GPC6: variants seen among roughly 807,000 people sequenced by gnomAD.
GPC6 encodes the protein glypican-6.
Under a neutral mutation model 55.2 loss-of-function variants are expected in GPC6, and 14 were observed. The observed-to-expected ratio is 0.25, with a 90% CI of 0.17 to 0.40. The LOEUF (loss-of-function observed/expected upper bound fraction) is 0.40, where lower values mean the gene tolerates loss of function less well. GPC6 is among the 10% of genes least tolerant of loss of function. The probability of loss-of-function intolerance (pLI) is 1.00; values close to 1 mark genes in which losing one functional copy is unlikely to be tolerated. For missense variants in GPC6, 641 were observed against 708.5 expected (o/e 0.90, Z 1.08); for synonymous variants, 278 against 259.6 (o/e 1.07, Z -0.68).
chr13:93,398,505 G>A (rs1875947264), intron 1 of GPC6, among the ~76,000 whole-genome samples: 1 of 152,188 alleles, frequency 6.6e-6, no homozygotes, highest in Non-Finnish European at 1.5e-5. Flanking sequence ...GAGGACATGA[G>A]TAGTCTGCTT....
In GPC6 at chr13:93,425,301, C is replaced by T. The variant is rs148788992; in HGVS notation, c.161-119962C>T. Among the ~76,000 whole-genome samples, 114 of 152,206 alleles carry T rather than the reference C, an allele frequency of 7.5e-4. 3 individuals are homozygous for T. Among genetic ancestry groups the T allele is most frequent in the African/African-American group, 3.9e-4 (16 of 41,550 alleles). On this transcript the variant is annotated intron_variant, in intron 1 of 8. Coordinates refer to ENST00000377047, the MANE Select transcript of GPC6 (RefSeq NM_005708.5). ...ATACACCGATTCCCACTTCCATGTA[C>T]TTGGTTGAATGATCAGTTCCAAAAG...
chr13:93,681,766 A>G (rs1294624498), intron 2 of GPC6, among the ~76,000 whole-genome samples: 2 of 152,214 alleles, frequency 1.3e-5, no homozygotes, highest in African/African-American at 4.8e-5. Context: ...TTTCAGAGAA[A>G]TGTCTAAATT....
intron 2 of GPC6, among the ~76,000 whole-genome samples, chr13:93,749,787 CCTTA>C (rs1448118980): frequency 6.6e-6 from 1 of 151,960 alleles, no homozygotes; most frequent in African/African-American, 2.4e-5. Context: ...AATTTTTCAG[CCTTA>C]CTTGTGACGA....
At chr13:93,827,541 C>T (rs532307773) in intron 2 of GPC6, among the ~76,000 whole-genome samples, 5 of 152,216 alleles carry the variant, frequency 3.3e-5, no homozygotes, top group African/African-American at 4.8e-5. Context: ...GATACATTAG[C>T]GTCTTTCAAT....
chr13:93,362,221 G>C (rs1160029234), intron 1 of GPC6, among the ~76,000 whole-genome samples: 1 of 152,260 alleles, frequency 6.6e-6, no homozygotes, highest in African/African-American at 2.4e-5. Context: ...TCAAACATCA[G>C]ATTGTCTCTG....
Position 93,721,036 on chromosome 13 carries a change from C to T in GPC6, c.320-109118C>T, listed in dbSNP as rs553569732. Among the ~76,000 whole-genome samples the T allele has an allele frequency of 1.2e-4, 18 of 152,100 alleles. No homozygotes were observed. The South Asian group carries it at 3.3e-3, about 28-fold the overall frequency. On this transcript the variant is annotated intron_variant, in intron 2 of 8. Coordinates refer to ENST00000377047, the MANE Select transcript of GPC6 (RefSeq NM_005708.5). ...TGTGATGCTAAGAAAAATGTATATTCTGTTGATTTAGGATGGAGAGTTCTG... is the reference window on the plus strand; with the variant it reads ...TGTGATGCTAAGAAAAATGTATATTTTGTTGATTTAGGATGGAGAGTTCTG...
At chr13:93,709,026 C>T (rs765324120) in intron 2 of GPC6, among the ~76,000 whole-genome samples, 30 of 151,698 alleles carry the variant, frequency 2.0e-4, no homozygotes, top group Non-Finnish European at 4.0e-4. Flanking sequence ...GATATCATGC[C>T]CATTATTTCT....
intron 2 of GPC6, among the ~76,000 whole-genome samples, chr13:93,695,625 A>AT (rs1882424895): frequency 2.0e-5 from 3 of 152,054 alleles, no homozygotes; most frequent in Admixed American, 6.6e-5. Flanking sequence ...TATTTCTTAG[A>AT]TTTTTTAAAA....
intron 1 of GPC6, among the ~76,000 whole-genome samples, chr13:93,355,067 A>C (rs896560329): frequency 6.6e-6 from 1 of 152,182 alleles, no homozygotes; most frequent in African/African-American, 2.4e-5. Context: ...CCTCAAGTTG[A>C]TTACAGGCAG....
At chr13:93,608,014 G>A (rs1878316012) in intron 2 of GPC6, among the ~76,000 whole-genome samples, 1 of 133,684 alleles carries the variant, frequency 7.5e-6, no homozygotes, top group Non-Finnish European at 1.6e-5. Flanking sequence ...TCTCTTTGGA[G>A]CCACTCCTGT....
intron 5 of GPC6, among the ~76,000 whole-genome samples, chr13:94,288,223 T>TC (rs1892583744): frequency 6.6e-6 from 1 of 151,972 alleles, no homozygotes. Flanking sequence ...AAGCTTCTCC[T>TC]CCCCCAGGGC....
intron 7 of GPC6, 58 bp downstream of exon 7, chr13:94,382,608 C>G: frequency 1.2e-6 from 2 of 1,606,004 alleles, no homozygotes; most frequent in South Asian, 1.1e-5. Context: ...CCTTGGAAGA[C>G]TCTCCTGGCA....
intron 4 of GPC6, among the ~76,000 whole-genome samples, chr13:94,127,610 A>G (rs1176757136): frequency 6.6e-6 from 1 of 152,164 alleles, no homozygotes; most frequent in East Asian, 1.9e-4. Flanking sequence ...TACAGTGGTA[A>G]AAATCCCAAA....
In GPC6 at chr13:94,404,411, C is replaced by T. The variant is rs1175499506; in HGVS notation, c.*1194C>T. The T allele has an allele frequency of 6.6e-6, 1 of 152,070 alleles. No individual in the cohort carries two copies. The highest frequency in any genetic ancestry group is 2.4e-5 in the African/African-American group (1 of 41,398). 9.4% of individuals were successfully genotyped at this position (152,070 alleles called of 1,614,324 possible). On this transcript the variant is annotated 3_prime_UTR_variant, in exon 9 of 9. Transcript: ENST00000377047. Reference sequence around the variant, plus strand: ...TGTATATATAAATCACAGATTTTAACTTCTTAATTCCAAGCTCAGGGTTGA... The same window carrying T: ...TGTATATATAAATCACAGATTTTAATTTCTTAATTCCAAGCTCAGGGTTGA...
At chr13:93,279,521 A>G (rs1370861512) in intron 1 of GPC6, among the ~76,000 whole-genome samples, 2 of 152,182 alleles carry the variant, frequency 1.3e-5, no homozygotes, top group Admixed American at 6.5e-5. Flanking sequence ...TGATTGCAGA[A>G]CTATCTTTTT....
intron 4 of GPC6, among the ~76,000 whole-genome samples, chr13:94,105,551 A>C (rs1886022884): frequency 6.6e-6 from 1 of 152,200 alleles, no homozygotes; most frequent in African/African-American, 2.4e-5. Context: ...TGTTATCAGC[A>C]TAGAGGTATA....
At chr13:93,400,330 G>A (rs1876020703) in intron 1 of GPC6, among the ~76,000 whole-genome samples, 1 of 102,644 alleles carries the variant, frequency 9.7e-6, no homozygotes, top group Non-Finnish European at 2.3e-5. Context: ...TTGGTGTTAG[G>A]CACTGGTCAA....
At chr13:93,665,770 C>T (rs779254274) in intron 2 of GPC6, among the ~76,000 whole-genome samples, 5 of 152,082 alleles carry the variant, frequency 3.3e-5, no homozygotes, top group Non-Finnish European at 7.4e-5. Flanking sequence ...TGTGTGGATG[C>T]AGTGATTTAA....
chr13:93,638,663 G>A (rs905176355), intron 2 of GPC6, among the ~76,000 whole-genome samples: 2 of 151,670 alleles, frequency 1.3e-5, no homozygotes, highest in Non-Finnish European at 2.9e-5. Context: ...TTTATAATTG[G>A]AAAAAAAGAG....
Sources: gnomAD v4.1 joint callset for allele counts (sites outside exome capture counted in the v4.1 genomes callset) on GRCh38, gnomAD v4.1.1 for gene constraint, MANE v1.5 for transcripts, NCBI Gene and HGNC (gene_info 2026-07-23, HGNC 2026-07-21) for gene names.